Variants in FBXO4 observed in about 807,000 individuals in gnomAD.
The protein encoded by FBXO4 is F-box protein 4, also known as F-box only protein 4.
FBXO4 carries 36 observed loss-of-function variants against 43.7 expected under a neutral mutation model. The ratio of observed to expected loss-of-function variants is 0.82; its 90% CI spans 0.63 to 1.09. The LOEUF is 1.09. Among genes scored for constraint, FBXO4 ranks in the 50% least tolerant of loss-of-function variants. The pLI is 0.00. For missense variants in FBXO4, 435 were observed against 474.1 expected (o/e 0.92, Z 0.77); for synonymous variants, 180 against 165.6 (o/e 1.09, Z -0.67).
the FBXO4 span, among the ~76,000 whole-genome samples, chr5:42,022,983 A>G: frequency 1.3e-5 from 2 of 152,090 alleles, no homozygotes; most frequent in African/African-American, 2.4e-5. Context: ...ACAAATGTCA[A>G]TTTCTACAAT....
the FBXO4 span, among the ~76,000 whole-genome samples, chr5:41,968,745 C>T: frequency 1.3e-5 from 2 of 151,780 alleles, no homozygotes; most frequent in African/African-American, 2.4e-5. Context: ...TTTAAGAATA[C>T]GTAATAATAA....
At chr5:41,951,360 G>T in the FBXO4 span, 1 of 233,464 alleles carries the variant, frequency 4.3e-6, no homozygotes, top group South Asian at 5.8e-5. Context: ...GCAGTGGGAG[G>T]GCAAACCAGC....
chr5:41,945,126 C>G (rs527791089), downstream of FBXO4, among the ~76,000 whole-genome samples: 2 of 152,246 alleles, frequency 1.3e-5, no homozygotes, highest in East Asian at 3.9e-4. Flanking sequence ...GTCAATGAAG[C>G]ACAATTTCTA....
intron 2 of FBXO4, 66 bp downstream of exon 2, chr5:41,927,314 C>A: frequency 1.7e-6 from 2 of 1,168,340 alleles, no homozygotes; most frequent in Non-Finnish European, 2.4e-6. Context: ...AGTCAATATC[C>A]AAGTTAATCC....
the FBXO4 span, among the ~76,000 whole-genome samples, chr5:41,969,511 G>A: frequency 1.4e-4 from 21 of 152,004 alleles, no homozygotes; most frequent in Non-Finnish European, 2.6e-4. Flanking sequence ...GTTTCTGGAG[G>A]TAATCCATAC....
At chr5:41,943,278 T>C (rs1752030321), downstream of FBXO4, among the ~76,000 whole-genome samples, 1 of 152,142 alleles carries the variant, frequency 6.6e-6, no homozygotes, top group African/African-American at 2.4e-5. Flanking sequence ...ATCAGTGCTA[T>C]ATTAGCATTA....
At chr5:41,955,017 C>G in the FBXO4 span, among the ~76,000 whole-genome samples, 1 of 152,120 alleles carries the variant, frequency 6.6e-6, no homozygotes, top group African/African-American at 2.4e-5. Flanking sequence ...ACTCCCTCTC[C>G]AGAGTAGAAG....
At chr5:41,979,643 A>G in the FBXO4 span, among the ~76,000 whole-genome samples, 1 of 152,202 alleles carries the variant, frequency 6.6e-6, no homozygotes, top group Non-Finnish European at 1.5e-5. Flanking sequence ...TTCCTGAGCC[A>G]GTGCAAGTTG....
intron 3 of FBXO4, 63 bp downstream of exon 3, chr5:41,929,980 G>GA: frequency 7.8e-7 from 1 of 1,283,608 alleles, no homozygotes; most frequent in East Asian, 2.3e-5. Context: ...TTGTTAAAAA[G>GA]AAAGAAATTC....
chr5:41,981,920 C>T, the FBXO4 span, among the ~76,000 whole-genome samples: 32 of 143,476 alleles, frequency 2.2e-4, no homozygotes, highest in East Asian at 3.1e-3. Flanking sequence ...CCACAACAGT[C>T]CCTGGTGTGT....
At chr5:42,007,023 T>C in the FBXO4 span, among the ~76,000 whole-genome samples, 1 of 149,614 alleles carries the variant, frequency 6.7e-6, no homozygotes, top group Non-Finnish European at 1.5e-5. Context: ...GATACAATAC[T>C]TATTATGTGT....
the FBXO4 span, among the ~76,000 whole-genome samples, chr5:42,011,677 A>G: frequency 6.6e-6 from 1 of 152,214 alleles, no homozygotes; most frequent in African/African-American, 2.4e-5. Context: ...TAGGTTTAGG[A>G]TAACTCTAAG....
the FBXO4 span, among the ~76,000 whole-genome samples, chr5:42,031,090 C>A: frequency 6.6e-6 from 1 of 152,122 alleles, no homozygotes; most frequent in Non-Finnish European, 1.5e-5. Context: ...CCATTTGACC[C>A]AGCCATCCCA....
chr5:42,025,452 G>A, the FBXO4 span, among the ~76,000 whole-genome samples: 11 of 151,714 alleles, frequency 7.3e-5, 1 homozygote, highest in South Asian at 8.3e-4. Context: ...ATCCCTTGTC[G>A]GATGGGTAAT....
the FBXO4 span, among the ~76,000 whole-genome samples, chr5:41,977,830 A>G: frequency 3.9e-5 from 6 of 152,090 alleles, no homozygotes; most frequent in Non-Finnish European, 8.8e-5. Flanking sequence ...TTCTTCTTCA[A>G]TGCCCTCCAA....
the FBXO4 span, among the ~76,000 whole-genome samples, chr5:42,033,529 T>A: frequency 0.016 from 2,439 of 152,240 alleles, 121 homozygotes; most frequent in East Asian, 0.1. Context: ...TTTGTCCTAA[T>A]GCTCTTTCTC....
the FBXO4 span, among the ~76,000 whole-genome samples, chr5:41,988,887 A>T: frequency 5.3e-5 from 8 of 152,220 alleles, no homozygotes; most frequent in Non-Finnish European, 1.0e-4. Context: ...AACAAAAAAG[A>T]TATAGAAGAT....
chr5:42,025,113 T>A, the FBXO4 span, among the ~76,000 whole-genome samples: 1 of 118,574 alleles, frequency 8.4e-6, no homozygotes, highest in African/African-American at 4.0e-5. Context: ...TTTTGTTTTG[T>A]TTTTTTAGAA....
At chr5:42,038,378 C>G in the FBXO4 span, among the ~76,000 whole-genome samples, 1 of 152,202 alleles carries the variant, frequency 6.6e-6, no homozygotes, top group South Asian at 2.1e-4. Flanking sequence ...GGGGAAAGGA[C>G]AGTTGAAGCA....
Sources: allele counts gnomAD v4.1 joint callset (sites outside exome capture counted in the v4.1 genomes callset), GRCh38; gene constraint gnomAD v4.1.1; transcripts MANE v1.5; gene names NCBI Gene and HGNC (gene_info 2026-07-23, HGNC 2026-07-21).